Variants in TENM2 observed in about 807,000 individuals in gnomAD.
The protein encoded by TENM2 is teneurin transmembrane protein 2.
Under a neutral mutation model 245.2 loss-of-function variants are expected in TENM2, and 52 were observed. The observed-to-expected ratio is 0.21, with a 90% CI of 0.17 to 0.27. The LOEUF is 0.27. Ranked by LOEUF, TENM2 falls within the 10% of genes least tolerant of loss-of-function variation. TENM2 has a pLI of 1.00. For missense variants in TENM2, 3,046 were observed against 3,666.8 expected, an observed-to-expected ratio of 0.83 and a Z score of 4.37; for synonymous variants, 1,363 against 1,438.9, an observed-to-expected ratio of 0.95 and a Z score of 1.19.
At chr5:167,251,479 T>A in the TENM2 span, among the ~76,000 whole-genome samples, 3 of 152,168 alleles carry the variant, frequency 2.0e-5, no homozygotes, top group African/African-American at 7.2e-5. Flanking sequence ...TGTCCTTCAC[T>A]CACTTGGAAT....
chr5:167,268,926 A>ATAGG, the TENM2 span, among the ~76,000 whole-genome samples: 4,521 of 144,946 alleles, frequency 0.031, 126 homozygotes, highest in South Asian at 0.051. Flanking sequence ...AGATAGATAG[A>ATAGG]TAGACAGACA....
At chr5:167,027,821 G>A in the TENM2 span, among the ~76,000 whole-genome samples, 2 of 152,062 alleles carry the variant, frequency 1.3e-5, no homozygotes, top group South Asian at 4.1e-4. Context: ...GCTCATGCCT[G>A]TAACCCCAAT....
intron 12 of TENM2, among the ~76,000 whole-genome samples, chr5:168,144,258 G>C (rs1325282795): frequency 6.6e-5 from 10 of 151,856 alleles, no homozygotes; most frequent in Non-Finnish European, 1.0e-4. Context: ...TATACATGTG[G>C]CATGCTGGTG....
At chr5:167,886,161 T>C (rs1168209895) in intron 3 of TENM2, among the ~76,000 whole-genome samples, 1 of 152,182 alleles carries the variant, frequency 6.6e-6, no homozygotes, top group Non-Finnish European at 1.5e-5. Context: ...ATCCCTGTTG[T>C]ACAGGTGGGA....
intron 5 of TENM2, among the ~76,000 whole-genome samples, chr5:168,023,588 C>T (rs1176378087): frequency 6.6e-6 from 1 of 152,126 alleles, no homozygotes; most frequent in African/African-American, 2.4e-5. Flanking sequence ...GATGGGGTGT[C>T]GGAAAAACAA....
At chr5:167,304,449 A>C (rs1364485216) in intron 1 of TENM2, among the ~76,000 whole-genome samples, 2 of 152,214 alleles carry the variant, frequency 1.3e-5, no homozygotes, top group African/African-American at 4.8e-5. Flanking sequence ...CAGCTAATTC[A>C]TTTTTAAAAG....
At chr5:167,483,031 A>G (rs1010695766) in intron 2 of TENM2, among the ~76,000 whole-genome samples, 10 of 152,234 alleles carry the variant, frequency 6.6e-5, no homozygotes, top group African/African-American at 2.4e-4. Context: ...AGCTACAGCT[A>G]TACCACTTAT....
intron 12 of TENM2, among the ~76,000 whole-genome samples, chr5:168,131,477 G>A (rs1469534303): frequency 6.6e-6 from 1 of 152,108 alleles, no homozygotes; most frequent in East Asian, 1.9e-4. Context: ...TTAATTGGTT[G>A]GGGAAAGAAA....
intron 2 of TENM2, among the ~76,000 whole-genome samples, chr5:167,566,788 C>G (rs942765173): frequency 6.6e-6 from 1 of 152,162 alleles, no homozygotes; most frequent in African/African-American, 2.4e-5. Flanking sequence ...CAACTCTATT[C>G]GGTCCACCAT....
At chr5:168,226,857 G>C (rs1302735684) in intron 24 of TENM2, among the ~76,000 whole-genome samples, 1 of 152,174 alleles carries the variant, frequency 6.6e-6, no homozygotes, top group Non-Finnish European at 1.5e-5. Context: ...GAATTGTGCC[G>C]ATTAATTTTT....
the TENM2 span, among the ~76,000 whole-genome samples, chr5:167,271,116 G>A: frequency 9.2e-5 from 14 of 152,062 alleles, no homozygotes; most frequent in East Asian, 1.9e-4. Flanking sequence ...ATGGGAAGAG[G>A]GTGTTCAATC....
At chr5:167,782,311 C>A (rs771669918) in intron 2 of TENM2, among the ~76,000 whole-genome samples, 27 of 48,562 alleles carry the variant, frequency 5.6e-4, no homozygotes, top group African/African-American at 8.5e-4. Flanking sequence ...AAAACTCTGT[C>A]TCAAAAAAAA....
intron 5 of TENM2, among the ~76,000 whole-genome samples, chr5:167,999,012 A>C (rs1784250455): frequency 6.6e-6 from 1 of 152,184 alleles, no homozygotes; most frequent in African/African-American, 2.4e-5. Flanking sequence ...GTGTATTCTC[A>C]TCTCACTGAA....
the TENM2 span, among the ~76,000 whole-genome samples, chr5:166,987,674 T>C: frequency 6.6e-6 from 1 of 152,178 alleles, no homozygotes; most frequent in Admixed American, 6.5e-5. Context: ...GGACAAATTC[T>C]GATGCCGGTC....
At chr5:167,243,947 C>T in the TENM2 span, among the ~76,000 whole-genome samples, 1 of 152,144 alleles carries the variant, frequency 6.6e-6, no homozygotes. Flanking sequence ...GAATTATTTT[C>T]CAGAAATCTT....
At chr5:167,180,148 C>A in the TENM2 span, among the ~76,000 whole-genome samples, 1 of 130,244 alleles carries the variant, frequency 7.7e-6, no homozygotes, top group Non-Finnish European at 1.5e-5. Flanking sequence ...ATTCTTGTTG[C>A]CCAGGGTGGA....
intron 2 of TENM2, among the ~76,000 whole-genome samples, chr5:167,837,592 T>C (rs759276681): frequency 1.2e-4 from 19 of 152,210 alleles, no homozygotes; most frequent in Non-Finnish European, 2.1e-4. Context: ...AGCATAGGTA[T>C]ACATTGTGAA....
intron 2 of TENM2, among the ~76,000 whole-genome samples, chr5:167,397,805 C>T (rs1762141956): frequency 6.6e-6 from 1 of 152,150 alleles, no homozygotes; most frequent in Non-Finnish European, 1.5e-5. Context: ...AAATTCGCAT[C>T]AAGAAAAAGT....
chr5:167,760,649 G>A (rs562022454), intron 2 of TENM2, among the ~76,000 whole-genome samples: 1 of 152,054 alleles, frequency 6.6e-6, no homozygotes, highest in Non-Finnish European at 1.5e-5. Context: ...CCTTGTTATT[G>A]TTGTTGTTGC....
Sources: gnomAD v4.1 joint callset for allele counts (sites outside exome capture counted in the v4.1 genomes callset) on GRCh38, gnomAD v4.1.1 for gene constraint, MANE v1.5 for transcripts, NCBI Gene and HGNC (gene_info 2026-07-23, HGNC 2026-07-21) for gene names.